The following OR2T6 variants were observed in gnomAD, a reference collection of about 807,000 sequenced individuals.
The protein encoded by OR2T6 is olfactory receptor family 2 subfamily T member 6.
For missense variants in OR2T6, 424 were observed against 391.6 expected (o/e 1.08, Z -0.70); for synonymous variants, 174 against 148.0 (o/e 1.18, Z -1.27).
Position 248,390,411 on chromosome 1 carries a change from A to T in OR2T6, c.*1876A>T, listed in dbSNP as rs1212191579. The T allele has an allele frequency of 2.6e-5, 4 of 152,216 alleles. No homozygotes were observed. Among genetic ancestry groups the T allele is most frequent in the Admixed American group, 2.6e-4 (4 of 15,278 alleles). 9.4% of individuals were successfully genotyped at this position (152,216 alleles called of 1,614,324 possible). A position where few individuals can be genotyped will look rare whatever the true frequency, so the allele number is the denominator to read the frequency against. Reference sequence around the variant, plus strand: ...AACAAAATCCAAGCCGGGTTCAGTGACGTTCTGCAGCGACTGAAGATGGTG... The same window carrying T: ...AACAAAATCCAAGCCGGGTTCAGTGTCGTTCTGCAGCGACTGAAGATGGTG... On this transcript the variant is annotated 3_prime_UTR_variant, in exon 3 of 3. Coordinates refer to ENST00000641644, the MANE Select transcript of OR2T6 (RefSeq NM_001005471.2).
intron 1 of OR2T6, among the ~76,000 whole-genome samples, chr1:248,380,403 T>C (rs916843375): frequency 2.0e-5 from 3 of 152,062 alleles, no homozygotes; most frequent in African/African-American, 7.2e-5. Context: ...GAAATAGGTC[T>C]ATTTTGTTTC....
intron 2 of OR2T6, among the ~76,000 whole-genome samples, chr1:248,386,740 T>C (rs1661141931): frequency 6.6e-6 from 1 of 152,198 alleles, no homozygotes; most frequent in Non-Finnish European, 1.5e-5. Flanking sequence ...TATCCCAAAC[T>C]CCTTTTTGCT....
rs113215537 is a variant in OR2T6 at position 248,388,463 on chromosome 1, A to G, written c.855A>G (p.Leu285=). ...SAFYTILTPL[L]NPLIYSLRNR... is the part of the protein sequence containing the mutation. ...TTTATACCATCCTCACACCCTTATT[A>G]AACCCTCTCATCTACAGTCTGAGGA... Residue 285 remains leucine (L), a synonymous_variant, in exon 3 of 3, where the codon TTA becomes TTG. Coordinates refer to ENST00000641644, the MANE Select transcript of OR2T6 (RefSeq NM_001005471.2). 6.0e-4 allele frequency: 971 copies of G among 1,610,110 alleles called. 9 individuals carry two copies. In the African/African-American group the frequency reaches 0.012, roughly 20 times the overall value.
intron 2 of OR2T6, among the ~76,000 whole-genome samples, chr1:248,386,315 C>T (rs1226788067): frequency 6.6e-6 from 1 of 152,144 alleles, no homozygotes; most frequent in Non-Finnish European, 1.5e-5. Flanking sequence ...GGTTTCCTGC[C>T]TCTGGCCTAC....
chr1:248,382,952 G>T (rs984067903), intron 1 of OR2T6, among the ~76,000 whole-genome samples: 1 of 152,164 alleles, frequency 6.6e-6, no homozygotes. Context: ...TTCTTGTAAC[G>T]TCTCATCCTG....
At chr1:248,385,238 C>CAGCT (rs1661118549) in intron 2 of OR2T6, among the ~76,000 whole-genome samples, 2 of 152,150 alleles carry the variant, frequency 1.3e-5, no homozygotes, top group Non-Finnish European at 2.9e-5. Flanking sequence ...AGAGGCTTTT[C>CAGCT]TCTACTGAGG....
chr1:248,390,857 C>CT lies in OR2T6; in HGVS notation c.*2328dup, dbSNP rs1558309342. On this transcript the variant is annotated 3_prime_UTR_variant, in exon 3 of 3. Transcript: ENST00000641644. ...TACAATGCTTCTGAGGACCAACTTT[C>CT]TTTTTTATAAAATTTGACTTAATAC... The CT allele has an allele frequency of 6.6e-6, 1 of 152,120 alleles. No homozygotes were observed. The highest frequency in any genetic ancestry group is 2.4e-5 in the African/African-American group (1 of 41,426). The allele number at this position is 152,120 out of a possible 1,614,324, so 9.4% of individuals were successfully genotyped here.
At position 248,390,957 on chromosome 1, in the gene OR2T6, T is replaced by C. The variant is rs561451211; in HGVS notation, c.*2422T>C. On this transcript the variant is annotated 3_prime_UTR_variant, in exon 3 of 3. Coordinates refer to ENST00000641644, the MANE Select transcript of OR2T6 (RefSeq NM_001005471.2). ...ATAAAACCTTATAAATGCTAGTCATTATTTCAGCTATTCTTTGAAAAGATG... is the reference window on the plus strand; with the variant it reads ...ATAAAACCTTATAAATGCTAGTCATCATTTCAGCTATTCTTTGAAAAGATG... 1 of 152,362 alleles carries C rather than the reference T, an allele frequency of 6.6e-6. No individual in the cohort carries two copies. Among genetic ancestry groups the C allele is most frequent in the Admixed American group, 6.5e-5 (1 of 15,304 alleles). 9.4% of individuals were successfully genotyped at this position (152,362 alleles called of 1,614,324 possible).
chr1:248,387,875 G>A lies in OR2T6; in HGVS notation c.267G>A (p.Glu89=). The change falls in exon 3 of 3, where the codon GAG becomes GAA. Residue 89 remains glutamate, a synonymous_variant. Transcript: ENST00000641644. ...TGCTGGTAGATTATCTCATGGGCGA[G>A]GGGACCATCTCTTTCATCGCCTGCA... ...PKMLVDYLMG[E]GTISFIACTA... 6 of 1,596,744 alleles carry A rather than the reference G, an allele frequency of 3.8e-6. No homozygotes were observed. Among genetic ancestry groups the A allele is most frequent in the Non-Finnish European group, 5.1e-6 (6 of 1,168,634 alleles).
In OR2T6 at chr1:248,391,373, A is replaced by C. The variant is rs914049928; in HGVS notation, c.*2838A>C. ...AAAGAAGCCAATCTGAAAAGGCTGC[A>C]TACTGTGTGATTCCAGCTGCATGAC... On this transcript the variant is annotated 3_prime_UTR_variant, in exon 3 of 3. Coordinates refer to ENST00000641644, the MANE Select transcript of OR2T6 (RefSeq NM_001005471.2). The C allele has an allele frequency of 6.6e-6, 1 of 152,228 alleles. No individual in the cohort carries two copies. The highest frequency in any genetic ancestry group is 1.5e-5 in the Non-Finnish European group (1 of 68,056). The allele number at this position is 152,228 out of a possible 1,614,324, so 9.4% of individuals were successfully genotyped here. A position where few individuals can be genotyped will look rare whatever the true frequency, so the allele number is the denominator to read the frequency against.
In OR2T6 at chr1:248,390,566, G is replaced by A. The variant is rs1011632117; in HGVS notation, c.*2031G>A. On this transcript the variant is annotated 3_prime_UTR_variant, in exon 3 of 3. Transcript: ENST00000641644. ...GCACTTAATCAAGAAAATAGACCAG[G>A]TCTTGCCTAACAGAGCAGGGTTTTC... is the stretch of plus-strand genomic sequence containing the variant. The A allele has an allele frequency of 2.6e-5, 4 of 152,202 alleles. No individual in the cohort carries two copies. Among genetic ancestry groups the A allele is most frequent in the Admixed American group, 2.6e-4 (4 of 15,278 alleles). The allele number at this position is 152,202 out of a possible 1,614,324, so 9.4% of individuals were successfully genotyped here.
chr1:248,387,634 C>T lies in OR2T6; in HGVS notation c.26C>T (p.Thr9Ile). MNENNETL[T>I]RGFTLMGLFT... ...ATGAATGAAAACAATGAAACCTTGA[C>T]CAGAGGCTTTACCCTCATGGGGCTC... The change falls in exon 3 of 3, where the codon ACC becomes ATC. Residue 9 changes from threonine (T) to isoleucine (I), a missense_variant. Coordinates refer to ENST00000641644, the MANE Select transcript of OR2T6 (RefSeq NM_001005471.2). The T allele has an allele frequency of 6.3e-7, 1 of 1,593,842 alleles. No homozygotes were observed. The highest frequency in any genetic ancestry group is 8.6e-7 in the Non-Finnish European group (1 of 1,164,688).
At chr1:248,378,254 C>T (rs1046366429) in intron 1 of OR2T6, among the ~76,000 whole-genome samples, 2 of 152,126 alleles carry the variant, frequency 1.3e-5, no homozygotes, top group African/African-American at 4.8e-5. Flanking sequence ...TGATGTTCCC[C>T]GCTTCTTCAC....
chr1:248,388,283 G>A lies in OR2T6; in HGVS notation c.675G>A (p.Val225=), dbSNP rs1230453235. Residue 225 remains valine, a synonymous_variant, in exon 3 of 3, where the codon GTG becomes GTA. Transcript: ENST00000641644. Reference sequence around the variant, plus strand: ...CCTACACCAGGATTCTCATCACAGTGCATCAGATGACATCGGCTGAAGGGA... The same window carrying A: ...CCTACACCAGGATTCTCATCACAGTACATCAGATGACATCGGCTGAAGGGA... ...TASYTRILIT[V]HQMTSAEGRK... The A allele has an allele frequency of 6.2e-7, 1 of 1,613,904 alleles. No individual in the cohort carries two copies. Among genetic ancestry groups the A allele is most frequent in the Admixed American group, 1.7e-5 (1 of 60,014 alleles).
At position 248,388,039 on chromosome 1, in the gene OR2T6, T is replaced by A. The variant is rs763966525; in HGVS notation, c.431T>A (p.Ile144Asn). Residue 144 changes from isoleucine (I) to asparagine (N), a missense_variant, in exon 3 of 3, where the codon ATC becomes AAC. Transcript: ENST00000641644. ...VLISWRVCWM[I>N]LASSWFGGAL... ...ATCAGCTGGCGGGTCTGCTGGATGA[T>A]CCTGGCCAGCTCTTGGTTCGGTGGG... 5 of 1,613,828 alleles carry A rather than the reference T, an allele frequency of 3.1e-6. No individual in the cohort carries two copies. The highest frequency in any genetic ancestry group is 1.3e-5 in the African/African-American group (1 of 74,896).
rs1044234416 is a variant in OR2T6, at chr1:248,389,303, G to A, written c.*768G>A. ...TTACAGCTTCTTCTCCAATTCACTA[G>A]CATTTTTAAACTTTTGGGATCCCTG... On this transcript the variant is annotated 3_prime_UTR_variant, in exon 3 of 3. Transcript: ENST00000641644. 6.6e-6 allele frequency: 1 copy of A among 152,174 alleles called. No individual in the cohort carries two copies. The highest frequency in any genetic ancestry group is 2.4e-5 in the African/African-American group (1 of 41,432). The allele number at this position is 152,174 out of a possible 1,614,324, so 9.4% of individuals were successfully genotyped here.
chr1:248,377,874 T>C (rs1318121597), intron 1 of OR2T6, among the ~76,000 whole-genome samples: 1 of 152,200 alleles, frequency 6.6e-6, no homozygotes, highest in Non-Finnish European at 1.5e-5. Context: ...CTACACGTGA[T>C]TATAATTTAT....
In OR2T6 at chr1:248,387,644, T is replaced by C; in HGVS notation, c.36T>C (p.Phe12=). ...NENNETLTRG[F]TLMGLFTHNK... ...ACAATGAAACCTTGACCAGAGGCTT[T>C]ACCCTCATGGGGCTCTTCACTCACA... is the stretch of plus-strand genomic sequence containing the variant. The change falls in exon 3 of 3, where the codon TTT becomes TTC. Residue 12 remains phenylalanine, a synonymous_variant. Coordinates refer to ENST00000641644, the MANE Select transcript of OR2T6 (RefSeq NM_001005471.2). 6.2e-7 allele frequency: 1 copy of C among 1,605,904 alleles called. No homozygotes were observed.
rs1230172148 is a variant in OR2T6, at chr1:248,390,769, GC to G, written c.*2237del. The G allele has an allele frequency of 1.5e-4, 23 of 152,286 alleles. No individual in the cohort carries two copies. The highest frequency in any genetic ancestry group is 1.4e-3 in the Admixed American group (21 of 15,294). 9.4% of individuals were successfully genotyped at this position (152,286 alleles called of 1,614,324 possible). ...AAATCAGAAGAGAAGGAGAGGGCTG[GC>G]CCATAAGAACTGATCATCAGTTTCA... On this transcript the variant is annotated 3_prime_UTR_variant, in exon 3 of 3. Transcript: ENST00000641644.
Sources: gnomAD v4.1 joint callset for allele counts (sites outside exome capture counted in the v4.1 genomes callset) on GRCh38, gnomAD v4.1.1 for gene constraint, MANE v1.5 for transcripts, NCBI Gene and HGNC (gene_info 2026-07-23, HGNC 2026-07-21) for gene names.